The following TBCA variants were observed in gnomAD, a reference collection of about 807,000 sequenced individuals.
TBCA encodes tubulin-specific chaperone A.
In TBCA, 6 loss-of-function variants were observed where a neutral mutation model predicts 15.8. The ratio of observed to expected loss-of-function variants is 0.38; its 90% CI spans 0.21 to 0.75. The LOEUF is 0.75. Ranked by LOEUF, TBCA falls within the 30% of genes least tolerant of loss-of-function variation. The pLI, the probability that TBCA is intolerant of heterozygous loss-of-function variation, is 0.46. For missense variants in TBCA, 90 were observed against 131.2 expected, an observed-to-expected ratio of 0.69 and a Z score of 1.53; for synonymous variants, 32 against 42.3, an observed-to-expected ratio of 0.76 and a Z score of 0.94.
chr5:77,762,472 C>T (rs1439031566), intron 1 of TBCA, among the ~76,000 whole-genome samples: 1 of 151,964 alleles, frequency 6.6e-6, no homozygotes, highest in Non-Finnish European at 1.5e-5. Context: ...GTATAATCTG[C>T]CAGGTTTTTA....
chr5:77,709,803 C>A lies in TBCA; in HGVS notation c.54-1456G>T, dbSNP rs1746234509. Among the ~76,000 whole-genome samples, 4 of 152,050 alleles carry A rather than the reference C, an allele frequency of 2.6e-5. No individual in the cohort carries two copies. In the South Asian group the frequency reaches 8.3e-4, roughly 32 times the overall value. ...ATAATCAATGGAAAATGTGGTATATCCAGAAAACAGAATATTGGGCAATAA... is the reference window on the plus strand; with the variant it reads ...ATAATCAATGGAAAATGTGGTATATACAGAAAACAGAATATTGGGCAATAA... On this transcript the variant is annotated intron_variant, in intron 1 of 3. Transcript: ENST00000380377.
chr5:77,771,912 G>A (rs1382739947), intron 1 of TBCA, among the ~76,000 whole-genome samples: 1 of 152,104 alleles, frequency 6.6e-6, no homozygotes, highest in Non-Finnish European at 1.5e-5. Context: ...AATTTCTAGA[G>A]AGAAAATTGA....
intron 1 of TBCA, among the ~76,000 whole-genome samples, chr5:77,723,778 G>A (rs980794524): frequency 3.9e-5 from 6 of 152,034 alleles, no homozygotes; most frequent in East Asian, 1.9e-4. Flanking sequence ...TAGATACTGC[G>A]TATCTTAAAT....
At chr5:77,693,627 CTG>C in intron 2 of TBCA, 1 of 356,772 alleles carries the variant, frequency 2.8e-6, no homozygotes, top group South Asian at 2.5e-5. Flanking sequence ...TGGAGAAACC[CTG>C]TCTCTACTAA....
At chr5:77,716,582 A>G (rs1462870542) in intron 1 of TBCA, among the ~76,000 whole-genome samples, 1 of 152,202 alleles carries the variant, frequency 6.6e-6, no homozygotes, top group African/African-American at 2.4e-5. Context: ...CAAACCAAAC[A>G]GGTACTAGTA....
chr5:77,726,325 A>G (rs1746629992), intron 1 of TBCA, among the ~76,000 whole-genome samples: 1 of 152,172 alleles, frequency 6.6e-6, no homozygotes, highest in South Asian at 2.1e-4. Context: ...CAGAATTATA[A>G]ATGGTCTGGA....
chr5:77,709,056 C>G (rs1398781828), intron 1 of TBCA, among the ~76,000 whole-genome samples: 1 of 149,506 alleles, frequency 6.7e-6, no homozygotes, highest in African/African-American at 2.5e-5. Context: ...GATAAAAGCT[C>G]AGTTTACTGG....
chr5:77,754,161 T>C (rs1041459464), intron 1 of TBCA, among the ~76,000 whole-genome samples: 2 of 152,246 alleles, frequency 1.3e-5, no homozygotes, highest in African/African-American at 4.8e-5. Flanking sequence ...TTTCTCTTTC[T>C]TGAAGAACCC....
At chr5:77,699,043 A>G (rs1745942325) in intron 2 of TBCA, among the ~76,000 whole-genome samples, 1 of 149,442 alleles carries the variant, frequency 6.7e-6, no homozygotes, top group Non-Finnish European at 1.5e-5. Context: ...CAAAAAAAAA[A>G]AAAAAAAAAA....
intron 2 of TBCA, among the ~76,000 whole-genome samples, chr5:77,697,867 T>C (rs543647346): frequency 6.6e-6 from 1 of 152,208 alleles, no homozygotes; most frequent in South Asian, 2.1e-4. Context: ...CCATGGCTCA[T>C]GCCTGTAATC....
At chr5:77,759,237 T>C (rs959567067) in intron 1 of TBCA, among the ~76,000 whole-genome samples, 1 of 152,060 alleles carries the variant, frequency 6.6e-6, no homozygotes, top group African/African-American at 2.4e-5. Flanking sequence ...CATATTCTGA[T>C]TGGTAATTGG....
At chr5:77,709,031 C>A (rs1302691080) in intron 1 of TBCA, among the ~76,000 whole-genome samples, 1 of 136,946 alleles carries the variant, frequency 7.3e-6, no homozygotes, top group East Asian at 2.2e-4. Context: ...ATACATGTAT[C>A]TGAAACAGCA....
At position 77,776,268 on chromosome 5, in the gene TBCA, G is replaced by C. The variant is rs1042729085; in HGVS notation, c.-11C>G. The C allele has an allele frequency of 6.0e-5, 95 of 1,576,020 alleles. No homozygotes were observed. The highest frequency in any genetic ancestry group is 8.1e-5 in the Non-Finnish European group (94 of 1,161,930). ...GCGAGGATCGGCCATGGTCCCTCGA[G>C]CGCCGCGAGAAGGAGGGGCGGAGAG... is the stretch of plus-strand genomic sequence containing the variant. On this transcript the variant is annotated 5_prime_UTR_variant, in exon 1 of 4. Coordinates refer to ENST00000380377, the MANE Select transcript of TBCA (RefSeq NM_004607.3).
chr5:77,749,931 G>C (rs1172841509), intron 1 of TBCA, among the ~76,000 whole-genome samples: 1 of 152,112 alleles, frequency 6.6e-6, no homozygotes, highest in Non-Finnish European at 1.5e-5. Flanking sequence ...ATGTAAAAAA[G>C]TATCTAGAAA....
chr5:77,692,090 T>G, intron 3 of TBCA: 4 of 983,146 alleles, frequency 4.1e-6, no homozygotes, highest in Non-Finnish European at 4.8e-6. Flanking sequence ...ACAGGCAACT[T>G]TTACTAATAT....
intron 1 of TBCA, 97 bp downstream of exon 1, chr5:77,776,108 C>T: frequency 6.8e-7 from 1 of 1,473,676 alleles, no homozygotes; most frequent in Admixed American, 2.0e-5. Context: ...AGTTCGGAGC[C>T]CGCCTCGGGC....
intron 2 of TBCA, among the ~76,000 whole-genome samples, chr5:77,693,791 C>A: frequency 2.0e-5 from 2 of 101,436 alleles, no homozygotes; most frequent in Non-Finnish European, 2.0e-5. Context: ...AAGAGTGAAA[C>A]TCCATCTCAA....
intron 1 of TBCA, 117 bp from the exon 2 acceptor site, chr5:77,708,464 G>C (rs898817159): frequency 5.1e-6 from 3 of 584,526 alleles, no homozygotes; most frequent in Middle Eastern, 3.4e-4. Context: ...ATACTAGATG[G>C]GGGGAGGAAG....
At chr5:77,723,412 A>C (rs1185702501) in intron 1 of TBCA, among the ~76,000 whole-genome samples, 1 of 152,024 alleles carries the variant, frequency 6.6e-6, no homozygotes, top group South Asian at 2.1e-4. Context: ...ATAGATCTCT[A>C]AACATTCATT....
Sources: gnomAD v4.1 joint callset for allele counts (sites outside exome capture counted in the v4.1 genomes callset) on GRCh38, gnomAD v4.1.1 for gene constraint, MANE v1.5 for transcripts, NCBI Gene and HGNC (gene_info 2026-07-23, HGNC 2026-07-21) for gene names.